UNC13C: variants seen among roughly 807,000 people sequenced by gnomAD.
The protein encoded by UNC13C is unc-13 homolog C, also known as protein unc-13 homolog C.
UNC13C carries 174 observed loss-of-function variants against 245.4 expected under a neutral mutation model. That is an observed-to-expected ratio of 0.71 (90% CI 0.63 to 0.80). UNC13C has a LOEUF of 0.80. Among genes scored for constraint, UNC13C ranks in the 30% least tolerant of loss-of-function variants. The pLI, the probability that UNC13C is intolerant of heterozygous loss-of-function variation, is 0.00. For missense variants in UNC13C, 2,829 were observed against 2,602.9 expected (o/e 1.09, Z -1.89); for synonymous variants, 992 against 895.1 (o/e 1.11, Z -1.93).
chr15:54,010,327 C>T (rs999716540), intron 1 of UNC13C, among the ~76,000 whole-genome samples: 1 of 152,038 alleles, frequency 6.6e-6, no homozygotes, highest in African/African-American at 2.4e-5. Flanking sequence ...AAATATTTAA[C>T]GTAAATAATT....
intron 17 of UNC13C, among the ~76,000 whole-genome samples, chr15:54,369,894 G>A (rs2039450497): frequency 6.6e-6 from 1 of 152,044 alleles, no homozygotes; most frequent in South Asian, 2.1e-4. Flanking sequence ...AATGAGAGTT[G>A]GCTGTATTAG....
intron 4 of UNC13C, among the ~76,000 whole-genome samples, chr15:54,231,739 G>C (rs2035558985): frequency 6.6e-6 from 1 of 151,828 alleles, no homozygotes; most frequent in African/African-American, 2.4e-5. Flanking sequence ...ATACCTAAAA[G>C]GGCTGAAATG....
At chr15:54,153,298 G>C (rs1406663451) in intron 4 of UNC13C, among the ~76,000 whole-genome samples, 1 of 149,270 alleles carries the variant, frequency 6.7e-6, no homozygotes, top group African/African-American at 2.5e-5. Flanking sequence ...TTTAAAAATG[G>C]TATATCTCAA....
At chr15:54,148,060 G>C (rs2032356398) in intron 4 of UNC13C, among the ~76,000 whole-genome samples, 1 of 152,114 alleles carries the variant, frequency 6.6e-6, no homozygotes, top group African/African-American at 2.4e-5. Flanking sequence ...ACCTCTACCA[G>C]AATGATTGAA....
intron 26 of UNC13C, among the ~76,000 whole-genome samples, chr15:54,536,549 A>G (rs1411583395): frequency 1.3e-5 from 2 of 152,174 alleles, no homozygotes; most frequent in Non-Finnish European, 2.9e-5. Flanking sequence ...CTTCAGGTCA[A>G]TATCTTGATG....
At chr15:54,202,596 G>A (rs1235527000) in intron 4 of UNC13C, among the ~76,000 whole-genome samples, 4 of 151,922 alleles carry the variant, frequency 2.6e-5, no homozygotes, top group Admixed American at 2.6e-4. Flanking sequence ...AATGGTACTG[G>A]GATAATTGGC....
chr15:53,936,755 G>A, the UNC13C span, among the ~76,000 whole-genome samples: 3 of 152,150 alleles, frequency 2.0e-5, no homozygotes, highest in Non-Finnish European at 4.4e-5. Context: ...GGTCTGGAGT[G>A]GACCCCCAGC....
chr15:54,334,634 A>G (rs566545559), intron 16 of UNC13C, among the ~76,000 whole-genome samples: 1 of 152,274 alleles, frequency 6.6e-6, no homozygotes, highest in South Asian at 2.1e-4. Context: ...TACTATATCA[A>G]AGTTCATTTA....
chr15:54,502,457 C>G (rs1446933263), intron 22 of UNC13C, among the ~76,000 whole-genome samples: 1 of 152,036 alleles, frequency 6.6e-6, no homozygotes, highest in Non-Finnish European at 1.5e-5. Context: ...TAAATAATAG[C>G]CAGTAATCAT....
In UNC13C at chr15:54,120,968, G is replaced by C. The variant is rs1298586552; in HGVS notation, c.2984-22050G>C. ...GCAAAGTAAATGGGTTTCTGAGATGGCATCTACTCCTGGTGAAGATGTTAT... is the reference window on the plus strand; with the variant it reads ...GCAAAGTAAATGGGTTTCTGAGATGCCATCTACTCCTGGTGAAGATGTTAT... On this transcript the variant is annotated intron_variant, in intron 2 of 32. Transcript: ENST00000260323. Among the ~76,000 whole-genome samples, 7 of 152,222 alleles carry C rather than the reference G, an allele frequency of 4.6e-5. No individual in the cohort carries two copies. The South Asian group carries it at 8.3e-4, about 18-fold the overall frequency.
At chr15:54,614,246 A>G (rs530100791) in intron 30 of UNC13C, among the ~76,000 whole-genome samples, 135 of 152,090 alleles carry the variant, frequency 8.9e-4, no homozygotes, top group African/African-American at 3.1e-3. Context: ...TTTTAACACC[A>G]TATTGCATAG....
At chr15:54,160,330 A>G (rs560756669) in intron 4 of UNC13C, among the ~76,000 whole-genome samples, 2 of 150,858 alleles carry the variant, frequency 1.3e-5, no homozygotes, top group South Asian at 2.1e-4. Context: ...CAAAGAGAGC[A>G]TAGAAGCCTA....
chr15:54,222,736 A>G lies in UNC13C; in HGVS notation c.3072-12294A>G, dbSNP rs539025667. Among the ~76,000 whole-genome samples, 20 of 152,162 alleles carry G rather than the reference A, an allele frequency of 1.3e-4. 1 individual carries two copies. The highest frequency in any genetic ancestry group is 3.4e-3 in the Middle Eastern group (1 of 292). On this transcript the variant is annotated intron_variant, in intron 4 of 32. Coordinates refer to ENST00000260323, the MANE Select transcript of UNC13C (RefSeq NM_001080534.3). ...AGTGAACAAGGATTCCCTTCTCTCTATATCCTTGCCAGCATTCATTTTGCC... is the reference window on the plus strand; with the variant it reads ...AGTGAACAAGGATTCCCTTCTCTCTGTATCCTTGCCAGCATTCATTTTGCC...
At chr15:53,839,513 G>A in the UNC13C span, among the ~76,000 whole-genome samples, 1 of 152,134 alleles carries the variant, frequency 6.6e-6, no homozygotes, top group Admixed American at 6.6e-5. Flanking sequence ...TAAATAAAAT[G>A]TAGCTTTACT....
intron 24 of UNC13C, among the ~76,000 whole-genome samples, chr15:54,518,740 G>T (rs1430010124): frequency 6.6e-6 from 1 of 152,106 alleles, no homozygotes; most frequent in Non-Finnish European, 1.5e-5. Flanking sequence ...CAGTTGACTG[G>T]GTGGACTATA....
At chr15:54,458,959 C>A (rs548933403) in intron 19 of UNC13C, among the ~76,000 whole-genome samples, 3 of 151,696 alleles carry the variant, frequency 2.0e-5, no homozygotes, top group Non-Finnish European at 4.4e-5. Flanking sequence ...GACTTAGTAT[C>A]TTTTTTTCAT....
At chr15:54,394,564 C>A (rs892818999) in intron 18 of UNC13C, among the ~76,000 whole-genome samples, 6 of 151,738 alleles carry the variant, frequency 4.0e-5, no homozygotes, top group Non-Finnish European at 7.4e-5. Flanking sequence ...TTCTTGAGGA[C>A]AGAGTAGTTT....
chr15:54,096,820 G>A (rs1595849344), intron 2 of UNC13C, among the ~76,000 whole-genome samples: 1 of 152,178 alleles, frequency 6.6e-6, no homozygotes, highest in African/African-American at 2.4e-5. Context: ...AGAAAAATTT[G>A]CCTATTTCTC....
At chr15:54,156,627 G>A (rs766126157) in intron 4 of UNC13C, among the ~76,000 whole-genome samples, 3 of 152,004 alleles carry the variant, frequency 2.0e-5, no homozygotes, top group Non-Finnish European at 4.4e-5. Context: ...CGGATTACAT[G>A]TAACAGGGTA....
Sources: gnomAD v4.1 joint callset for allele counts (sites outside exome capture counted in the v4.1 genomes callset) on GRCh38, gnomAD v4.1.1 for gene constraint, MANE v1.5 for transcripts, NCBI Gene and HGNC (gene_info 2026-07-23, HGNC 2026-07-21) for gene names.